Variants in PCSK2 observed in about 807,000 individuals in gnomAD.
The protein encoded by PCSK2 is proprotein convertase subtilisin/kexin type 2.
Under a neutral mutation model 69.7 loss-of-function variants are expected in PCSK2, and 14 were observed. That is an observed-to-expected ratio of 0.20 (90% CI 0.13 to 0.31). The LOEUF (loss-of-function observed/expected upper bound fraction) is 0.31. Among genes scored for constraint, PCSK2 ranks in the 10% least tolerant of loss-of-function variants. The pLI is 1.00. For missense variants in PCSK2, 544 were observed against 842.5 expected, an observed-to-expected ratio of 0.65 and a Z score of 4.39; for synonymous variants, 307 against 320.7, an observed-to-expected ratio of 0.96 and a Z score of 0.46.
chr20:17,384,769 C>CA (rs1388902283), intron 5 of PCSK2, among the ~76,000 whole-genome samples: 3 of 151,936 alleles, frequency 2.0e-5, no homozygotes, highest in Non-Finnish European at 4.4e-5. Flanking sequence ...CCTGTCGCTA[C>CA]AAAAAAATTA....
chr20:17,342,895 A>G (rs933920182), intron 2 of PCSK2, among the ~76,000 whole-genome samples: 1 of 151,864 alleles, frequency 6.6e-6, no homozygotes, highest in Non-Finnish European at 1.5e-5. Flanking sequence ...GCTTCAAGGA[A>G]TCCTTCCACC....
chr20:17,362,277 C>T (rs1191581714), intron 4 of PCSK2, among the ~76,000 whole-genome samples: 1 of 152,230 alleles, frequency 6.6e-6, no homozygotes. Context: ...TGGGTTCCCA[C>T]AAAAGTAAAC....
Position 17,423,708 on chromosome 20 carries a change from A to G in PCSK2, c.621-5727A>G, listed in dbSNP as rs115918890. 3.4e-3 allele frequency among the ~76,000 whole-genome samples: 511 copies of G among 152,338 alleles called. 2 individuals are homozygous for G. Among genetic ancestry groups the G allele is most frequent in the African/African-American group, 0.012 (503 of 41,568 alleles). ...CCACAGACTAGAAGACGTGCAGCAAATTTTATGGAAAAAAAGGCTTAATAT... is the reference window on the plus strand; with the variant it reads ...CCACAGACTAGAAGACGTGCAGCAAGTTTTATGGAAAAAAAGGCTTAATAT... On this transcript the variant is annotated intron_variant, in intron 6 of 11. Transcript: ENST00000262545.
intron 10 of PCSK2, among the ~76,000 whole-genome samples, chr20:17,461,667 G>A (rs1047230635): frequency 3.3e-5 from 5 of 152,146 alleles, no homozygotes; most frequent in African/African-American, 1.2e-4. Flanking sequence ...TACTTTTGCT[G>A]CCTTGATCAT....
chr20:17,255,990 T>C (rs1600415505), intron 1 of PCSK2, among the ~76,000 whole-genome samples: 1 of 152,272 alleles, frequency 6.6e-6, no homozygotes, highest in Middle Eastern at 3.4e-3. Context: ...AGTTGGGAAG[T>C]GATTCTTCCT....
At chr20:17,309,287 A>T (rs796582394) in intron 2 of PCSK2, among the ~76,000 whole-genome samples, 12 of 152,332 alleles carry the variant, frequency 7.9e-5, no homozygotes, top group African/African-American at 2.9e-4. Context: ...AGTGTTAGAC[A>T]ATTGATGAGC....
intron 1 of PCSK2, among the ~76,000 whole-genome samples, chr20:17,258,697 G>A (rs1987268601): frequency 6.6e-6 from 1 of 151,338 alleles, no homozygotes; most frequent in Non-Finnish European, 1.5e-5. Context: ...AAAAAAGGAG[G>A]TAGTAAGTGA....
chr20:17,363,799 C>T (rs1327841547), intron 4 of PCSK2, among the ~76,000 whole-genome samples: 1 of 152,204 alleles, frequency 6.6e-6, no homozygotes, highest in Non-Finnish European at 1.5e-5. Context: ...GTGCTAGACA[C>T]TGCTTAGCAT....
intron 8 of PCSK2, among the ~76,000 whole-genome samples, chr20:17,450,433 G>A (rs2032801664): frequency 6.6e-6 from 1 of 152,190 alleles, no homozygotes; most frequent in South Asian, 2.1e-4. Context: ...ACAAGTCCCT[G>A]GCATGTAGTA....
intron 11 of PCSK2, among the ~76,000 whole-genome samples, chr20:17,472,924 G>C (rs1170165834): frequency 6.6e-6 from 1 of 151,918 alleles, no homozygotes; most frequent in Non-Finnish European, 1.5e-5. Flanking sequence ...GGGCCTCCTG[G>C]GAAGCAACAC....
intron 2 of PCSK2, among the ~76,000 whole-genome samples, chr20:17,260,683 T>C (rs1260011426): frequency 2.6e-5 from 4 of 152,128 alleles, no homozygotes; most frequent in African/African-American, 9.7e-5. Context: ...AGCAGTTTAA[T>C]GAGTCATTTT....
At chr20:17,380,657 G>A (rs756739805) in intron 5 of PCSK2, among the ~76,000 whole-genome samples, 2 of 152,120 alleles carry the variant, frequency 1.3e-5, no homozygotes, top group Admixed American at 6.6e-5. Context: ...ATAAGCATTC[G>A]ATGTTGTTAA....
rs186541745 is a variant in PCSK2, at chr20:17,404,824, G to A, written c.544-4439G>A. Reference sequence around the variant, plus strand: ...ATTGGCAAACTCTTTCCGATAAAAGGCCACTTTGTAAATACTTTAGGCTTT... The same window carrying A: ...ATTGGCAAACTCTTTCCGATAAAAGACCACTTTGTAAATACTTTAGGCTTT... On this transcript the variant is annotated intron_variant, in intron 5 of 11. Transcript: ENST00000262545. Among the ~76,000 whole-genome samples the A allele has an allele frequency of 3.4e-4, 52 of 152,326 alleles. 1 individual carries two copies. Among genetic ancestry groups the A allele is most frequent in the Non-Finnish European group, 1.3e-4 (9 of 68,020 alleles).
chr20:17,404,873 A>C (rs2031719615), intron 5 of PCSK2, among the ~76,000 whole-genome samples: 1 of 152,348 alleles, frequency 6.6e-6, no homozygotes. Context: ...ACAACGACTT[A>C]TCTCTGCTGT....
intron 9 of PCSK2, 96 bp from the exon 10 acceptor site, chr20:17,456,252 A>G (rs7274198): frequency 0.099 from 69,516 of 700,994 alleles, 4,083 homozygotes; most frequent in Non-Finnish European, 0.13. Context: ...AAATAAATGA[A>G]TAAATAAAAG....
At chr20:17,271,684 T>G (rs1987873279) in intron 2 of PCSK2, among the ~76,000 whole-genome samples, 1 of 152,150 alleles carries the variant, frequency 6.6e-6, no homozygotes, top group African/African-American at 2.4e-5. Context: ...TCTCAGCTAA[T>G]TGTTACCTCC....
At chr20:17,239,420 G>A (rs1341084812) in intron 1 of PCSK2, among the ~76,000 whole-genome samples, 1 of 140,634 alleles carries the variant, frequency 7.1e-6, no homozygotes, top group Non-Finnish European at 1.5e-5. Context: ...CAAGCCATTT[G>A]TGATCTCTTG....
chr20:17,269,831 G>T, intron 2 of PCSK2, among the ~76,000 whole-genome samples: 1 of 152,054 alleles, frequency 6.6e-6, no homozygotes, highest in Non-Finnish European at 1.5e-5. Flanking sequence ...AACTATAAAA[G>T]CCATGAGAAA....
intron 1 of PCSK2, among the ~76,000 whole-genome samples, chr20:17,228,562 G>T (rs1231834219): frequency 1.3e-5 from 2 of 152,172 alleles, no homozygotes; most frequent in Non-Finnish European, 2.9e-5. Context: ...GGAGGTCCCT[G>T]AGATTTTAGG....
Sources: gnomAD v4.1 joint callset for allele counts (sites outside exome capture counted in the v4.1 genomes callset) on GRCh38, gnomAD v4.1.1 for gene constraint, MANE v1.5 for transcripts, NCBI Gene and HGNC (gene_info 2026-07-23, HGNC 2026-07-21) for gene names.